CLVS1: variants seen among roughly 807,000 people sequenced by gnomAD.
The protein encoded by CLVS1 is clavesin-1.
Under a neutral mutation model 33.1 loss-of-function variants are expected in CLVS1, and 10 were observed. The observed-to-expected ratio is 0.30, with a 90% confidence interval of 0.19 to 0.51. The LOEUF is 0.51. Ranked by LOEUF, CLVS1 falls within the 20% of genes least tolerant of loss-of-function variation. CLVS1 has a pLI of 0.97. For synonymous variants in CLVS1, 163 were observed against 166.1 expected (o/e 0.98, Z 0.14); for missense variants, 343 against 433.4 (o/e 0.79, Z 1.85).
At chr8:61,011,720 T>C in the CLVS1 span, among the ~76,000 whole-genome samples, 642 of 152,332 alleles carry the variant, frequency 4.2e-3, 5 homozygotes, top group Non-Finnish European at 5.7e-3. Context: ...GTGCTGGGAT[T>C]ACAGGCGTGA....
chr8:61,138,902 A>C (rs1452113045), intron 2 of CLVS1, among the ~76,000 whole-genome samples: 7 of 152,242 alleles, frequency 4.6e-5, no homozygotes, highest in Non-Finnish European at 8.8e-5. Flanking sequence ...CCGATTGTAA[A>C]TACAATATCT....
chr8:61,004,182 A>G, the CLVS1 span, among the ~76,000 whole-genome samples: 1 of 152,264 alleles, frequency 6.6e-6, no homozygotes, highest in East Asian at 1.9e-4. Context: ...TAGCACATAT[A>G]AAGTGCTTTG....
At chr8:61,072,432 A>G (rs1804815922) in intron 1 of CLVS1, among the ~76,000 whole-genome samples, 1 of 152,206 alleles carries the variant, frequency 6.6e-6, no homozygotes, top group Non-Finnish European at 1.5e-5. Flanking sequence ...TTGAAGGATG[A>G]CACTTTAATT....
intron 2 of CLVS1, among the ~76,000 whole-genome samples, chr8:61,195,074 A>G (rs1807574924): frequency 6.6e-6 from 1 of 152,042 alleles, no homozygotes; most frequent in Non-Finnish European, 1.5e-5. Context: ...CTAGATACAA[A>G]TCATAGCTTT....
chr8:61,191,504 A>C (rs950844386), intron 2 of CLVS1, among the ~76,000 whole-genome samples: 3 of 152,198 alleles, frequency 2.0e-5, no homozygotes, highest in African/African-American at 7.2e-5. Flanking sequence ...TATTCAACAC[A>C]GTGTTGAAAG....
intron 2 of CLVS1, among the ~76,000 whole-genome samples, chr8:61,347,709 CA>C (rs1270453428): frequency 1.6e-5 from 2 of 121,564 alleles, no homozygotes; most frequent in Admixed American, 9.4e-5. Context: ...GTGGAATAGC[CA>C]AATTGAGCTA....
At chr8:61,202,600 C>G (rs2129305314) in intron 2 of CLVS1, 1 of 1,394,120 alleles carries the variant, frequency 7.2e-7, no homozygotes, top group Non-Finnish European at 1.0e-6. Context: ...AATGTCTGTA[C>G]AGCCAACGGT....
intron 3 of CLVS1, among the ~76,000 whole-genome samples, chr8:61,380,590 A>G (rs1210091607): frequency 6.6e-6 from 1 of 152,190 alleles, no homozygotes; most frequent in Admixed American, 6.5e-5. Flanking sequence ...TGAAAGTCAT[A>G]TACTCCTGCT....
At chr8:61,286,781 T>A (rs1809791002), upstream of CLVS1, among the ~76,000 whole-genome samples, 1 of 152,252 alleles carries the variant, frequency 6.6e-6, no homozygotes, top group Non-Finnish European at 1.5e-5. Context: ...ATGTGAAAAC[T>A]TTAAGCAAAT....
intron 1 of CLVS1, among the ~76,000 whole-genome samples, chr8:61,087,137 G>C (rs1321997172): frequency 6.6e-6 from 1 of 152,166 alleles, no homozygotes; most frequent in Non-Finnish European, 1.5e-5. Context: ...GAGCTGTTCT[G>C]GACAGGACAA....
intron 1 of CLVS1, among the ~76,000 whole-genome samples, chr8:61,126,253 C>T (rs1042160846): frequency 6.6e-6 from 1 of 152,316 alleles, no homozygotes; most frequent in Admixed American, 6.5e-5. Flanking sequence ...TGTCCTCCCA[C>T]CCAGCTCTCA....
chr8:61,305,443 C>T (rs1164580540), intron 2 of CLVS1, among the ~76,000 whole-genome samples: 1 of 152,094 alleles, frequency 6.6e-6, no homozygotes, highest in Middle Eastern at 3.2e-3. Flanking sequence ...CTTTCTGTGC[C>T]TGAATTATTT....
intron 1 of CLVS1, among the ~76,000 whole-genome samples, chr8:61,083,217 C>A (rs3864666): frequency 0.47 from 72,138 of 151,960 alleles, 19,194 homozygotes; most frequent in African/African-American, 0.72. Flanking sequence ...GGTAACTATA[C>A]GTGCCACTCT....
At chr8:61,254,185 C>T (rs1453479848) in intron 2 of CLVS1, among the ~76,000 whole-genome samples, 1 of 152,206 alleles carries the variant, frequency 6.6e-6, no homozygotes, top group African/African-American at 2.4e-5. Context: ...TGGAGGTCCA[C>T]TCCAGACCCT....
rs202116151 is a variant in CLVS1 at position 61,493,634 on chromosome 8, G to GA, written c.978-5816dup. 9.8e-3 allele frequency among the ~76,000 whole-genome samples: 1,494 copies of GA among 152,242 alleles called. 10 individuals are homozygous for GA. The highest frequency in any genetic ancestry group is 0.015 in the Non-Finnish European group (1,043 of 68,014). ...CCTTGATACTTAAAGTTATTTGGGG[G>GA]AAAAATCTGAGCAGAATTACTTAGA... On this transcript the variant is annotated intron_variant, in intron 5 of 5. Coordinates refer to ENST00000325897, the MANE Select transcript of CLVS1 (RefSeq NM_173519.3).
chr8:61,202,498 G>A lies in CLVS1; in HGVS notation c.-152+70638G>A, dbSNP rs560829501. On this transcript the variant is annotated intron_variant, in intron 2 of 2. Coordinates refer to the CLVS1 transcript ENST00000522621. ...GTTGTCTTTAAGAACGGTCAGTTTAGGGGCTGGTGCAAAGGATGAATTGCA... is the reference window on the plus strand; with the variant it reads ...GTTGTCTTTAAGAACGGTCAGTTTAAGGGCTGGTGCAAAGGATGAATTGCA... The A allele has an allele frequency of 7.4e-6, 7 of 950,880 alleles. No homozygotes were observed. The East Asian group carries it at 1.4e-4, about 19-fold the overall frequency. The allele number at this position is 950,880 out of a possible 1,614,324, so 58.9% of individuals were successfully genotyped here.
intron 2 of CLVS1, among the ~76,000 whole-genome samples, chr8:61,326,264 T>C (rs1843694): frequency 0.019 from 2,927 of 152,294 alleles, 104 homozygotes; most frequent in African/African-American, 0.066. Context: ...ATAACAGTGG[T>C]TCATTATTTC....
chr8:60,997,934 TTGTGTG>T, the CLVS1 span, among the ~76,000 whole-genome samples: 20 of 150,366 alleles, frequency 1.3e-4, no homozygotes, highest in African/African-American at 4.4e-4. Flanking sequence ...CTTAAGGTGC[TTGTGTG>T]TGTGTGTGTG....
intron 2 of CLVS1, among the ~76,000 whole-genome samples, chr8:61,252,396 G>A (rs762615356): frequency 3.9e-5 from 6 of 152,198 alleles, no homozygotes; most frequent in African/African-American, 1.2e-4. Context: ...ATATTCTGTT[G>A]ATTTGGGGTG....
Sources: gnomAD v4.1 joint callset for allele counts (sites outside exome capture counted in the v4.1 genomes callset) on GRCh38, gnomAD v4.1.1 for gene constraint, MANE v1.5 for transcripts, NCBI Gene and HGNC (gene_info 2026-07-23, HGNC 2026-07-21) for gene names.